Variants in CABLES1 observed in about 807,000 individuals in gnomAD.
CABLES1 encodes the protein CDK5 and ABL1 enzyme substrate 1.
Under a neutral mutation model 57.8 loss-of-function variants are expected in CABLES1, and 36 were observed. The observed-to-expected ratio is 0.62, with a 90% CI of 0.48 to 0.82. The LOEUF (loss-of-function observed/expected upper bound fraction) is 0.82. CABLES1 is among the 40% of genes least tolerant of loss of function. The probability of loss-of-function intolerance (pLI) is 0.00; values close to 1 mark genes in which losing one functional copy is unlikely to be tolerated. For missense variants in CABLES1, 767 were observed against 836.6 expected, an observed-to-expected ratio of 0.92 and a Z score of 1.03; for synonymous variants, 374 against 363.0, an observed-to-expected ratio of 1.03 and a Z score of -0.35.
chr18:23,192,519 A>G lies in CABLES1; in HGVS notation c.918-1929A>G, dbSNP rs189321465. On this transcript the variant is annotated intron_variant, in intron 2 of 9. Coordinates refer to ENST00000256925, the MANE Select transcript of CABLES1 (RefSeq NM_001100619.3). Reference sequence around the variant, plus strand: ...AGCTGGGAGGTGGGAGGAAGGAGCCAGAGTCTGCTGAGGTGGCAGGATCTG... The same window carrying G: ...AGCTGGGAGGTGGGAGGAAGGAGCCGGAGTCTGCTGAGGTGGCAGGATCTG... Among the ~76,000 whole-genome samples the G allele has an allele frequency of 1.8e-4, 28 of 152,316 alleles. No individual in the cohort carries two copies. In the East Asian group the frequency reaches 4.6e-3, roughly 25 times the overall value.
At chr18:23,142,026 T>C (rs2046861095) in intron 1 of CABLES1, among the ~76,000 whole-genome samples, 1 of 152,088 alleles carries the variant, frequency 6.6e-6, no homozygotes, top group African/African-American at 2.4e-5. Context: ...CTTAGTTTCC[T>C]TATGGAACTC....
chr18:23,198,747 G>C lies in CABLES1; in HGVS notation c.1010+4207G>C, dbSNP rs544084565. On this transcript the variant is annotated intron_variant, in intron 3 of 9. Transcript: ENST00000256925. Reference sequence around the variant, plus strand: ...AAATGCAGGCAGCTGCTAAGAATCTGGAAAAGGCAAGAAAACCAATTCTCC... The same window carrying C: ...AAATGCAGGCAGCTGCTAAGAATCTCGAAAAGGCAAGAAAACCAATTCTCC... Among the ~76,000 whole-genome samples, 46 of 152,318 alleles carry C rather than the reference G, an allele frequency of 3.0e-4. 2 individuals are homozygous for C. The highest frequency in any genetic ancestry group is 2.3e-3 in the South Asian group (11 of 4,822).
intron 4 of CABLES1, among the ~76,000 whole-genome samples, chr18:23,224,508 A>G (rs1288593654): frequency 6.7e-6 from 1 of 149,028 alleles, no homozygotes; most frequent in Non-Finnish European, 1.5e-5. Flanking sequence ...TGAAAGCTGT[A>G]GTAGATATTC....
chr18:23,190,466 T>A (rs1323837284), intron 2 of CABLES1: 3 of 152,208 alleles, frequency 2.0e-5, no homozygotes, highest in African/African-American at 7.2e-5. Flanking sequence ...CAGGCAGGGC[T>A]GTTGAGCCTC....
intron 7 of CABLES1, among the ~76,000 whole-genome samples, chr18:23,243,473 T>G (rs1338265861): frequency 4.0e-5 from 6 of 150,220 alleles, no homozygotes; most frequent in African/African-American, 9.8e-5. Context: ...TTGGTGTTTT[T>G]TTTTTTTTTT....
In CABLES1 at chr18:23,188,910, G is replaced by C. The variant is rs1387865707; in HGVS notation, c.917+1G>C. ...TTGAGGAGAACGCCCCTCTCCGGAGGTAATTTTCTGTTTCATTTATGTATA... is the reference window on the plus strand; with the variant it reads ...TTGAGGAGAACGCCCCTCTCCGGAGCTAATTTTCTGTTTCATTTATGTATA... On this transcript the variant is annotated splice_donor_variant, in intron 2 of 9. Transcript: ENST00000256925. LOFTEE classifies it high-confidence loss of function. 6.2e-7 allele frequency: 1 copy of C among 1,606,976 alleles called. No individual in the cohort carries two copies. Among genetic ancestry groups the C allele is most frequent in the South Asian group, 1.1e-5 (1 of 90,424 alleles).
At chr18:23,143,453 A>G (rs906832489) in intron 1 of CABLES1, among the ~76,000 whole-genome samples, 5 of 152,254 alleles carry the variant, frequency 3.3e-5, no homozygotes, top group African/African-American at 4.8e-5. Flanking sequence ...TGGGAATGAT[A>G]CTACCACCTC....
chr18:23,176,016 ATGT>A (rs1404578683), intron 1 of CABLES1, among the ~76,000 whole-genome samples: 7 of 152,258 alleles, frequency 4.6e-5, no homozygotes, highest in South Asian at 2.1e-4. Flanking sequence ...AAGATACCAA[ATGT>A]TGTAGGAATT....
chr18:23,212,683 G>A (rs1028994825), intron 3 of CABLES1, among the ~76,000 whole-genome samples: 1 of 152,160 alleles, frequency 6.6e-6, no homozygotes, highest in African/African-American at 2.4e-5. Flanking sequence ...TCACCCTCTA[G>A]TAAAGGAGGG....
chr18:23,222,481 C>G (rs957638913), intron 4 of CABLES1, among the ~76,000 whole-genome samples: 2 of 150,886 alleles, frequency 1.3e-5, no homozygotes, highest in South Asian at 4.2e-4. Flanking sequence ...CTGAAACTTT[C>G]GAGAATTGCT....
intron 2 of CABLES1, among the ~76,000 whole-genome samples, chr18:23,194,109 T>A (rs1229726892): frequency 1.3e-5 from 2 of 152,244 alleles, no homozygotes; most frequent in Admixed American, 1.3e-4. Flanking sequence ...CCTTCGTTGA[T>A]ACAGCAGGAT....
intron 1 of CABLES1, among the ~76,000 whole-genome samples, chr18:23,179,752 A>G (rs2047150932): frequency 1.3e-5 from 2 of 152,224 alleles, no homozygotes; most frequent in Non-Finnish European, 2.9e-5. Flanking sequence ...TCCGTGGACA[A>G]CAAAACAAAG....
intron 1 of CABLES1, among the ~76,000 whole-genome samples, chr18:23,187,593 G>T (rs1019737427): frequency 5.9e-5 from 9 of 152,168 alleles, no homozygotes; most frequent in African/African-American, 1.9e-4. Flanking sequence ...CACCATGTTG[G>T]CCAGGATGGT....
At position 23,234,621 on chromosome 18, in the gene CABLES1, G is replaced by A. The variant is rs760627292; in HGVS notation, c.1102G>A (p.Asp368Asn). Residue 368 changes from aspartate to asparagine, a missense_variant, in exon 5 of 10, where the codon GAC (aspartate) becomes AAC (asparagine). Coordinates refer to ENST00000256925, the MANE Select transcript of CABLES1 (RefSeq NM_001100619.3). ...TTGTCCTCCCAGGGACTTGAAGTTG[G>A]ACGGAGGAAGACAATCAACTGGTGC... ...DSTQVGDLKL[D>N]GGRQSTGAVS... The A allele has an allele frequency of 1.1e-5, 18 of 1,613,726 alleles. No homozygotes were observed. The highest frequency in any genetic ancestry group is 1.5e-5 in the Non-Finnish European group (18 of 1,179,746).
chr18:23,223,455 G>A (rs2047504490), intron 4 of CABLES1, among the ~76,000 whole-genome samples: 1 of 151,806 alleles, frequency 6.6e-6, no homozygotes, highest in South Asian at 2.1e-4. Flanking sequence ...GCAGGCGCCT[G>A]AAATCACAGC....
In CABLES1 at chr18:23,150,543, A is replaced by G. The variant is rs1039364567; in HGVS notation, c.845+13936A>G. On this transcript the variant is annotated intron_variant, in intron 1 of 9. Coordinates refer to ENST00000256925, the MANE Select transcript of CABLES1 (RefSeq NM_001100619.3). The stretch of plus-strand genomic sequence containing the variant: ...GTCGTAGTAGTTTTTCAAGTATCCA[A>G]GCAGATTTGTGGACAGCCTCTGCCC... 2.0e-5 allele frequency among the ~76,000 whole-genome samples: 3 copies of G among 152,124 alleles called. No homozygotes were observed. In the South Asian group the frequency reaches 6.2e-4, roughly 32 times the overall value.
At chr18:23,153,075 C>T (rs1353304141) in intron 1 of CABLES1, among the ~76,000 whole-genome samples, 4 of 151,898 alleles carry the variant, frequency 2.6e-5, no homozygotes, top group African/African-American at 4.8e-5. Context: ...GCTGGGATTA[C>T]AGGCGTGAGC....
At chr18:23,170,316 G>C (rs1245937529) in intron 1 of CABLES1, among the ~76,000 whole-genome samples, 1 of 152,146 alleles carries the variant, frequency 6.6e-6, no homozygotes, top group African/African-American at 2.4e-5. Flanking sequence ...TGTTTTTGAC[G>C]TGGCCTGTTG....
rs2048262092 is a variant in CABLES1 at position 23,260,237 on chromosome 18, A to G, written c.*2870A>G. The G allele has an allele frequency of 6.6e-6, 1 of 152,082 alleles. No homozygotes were observed. Among genetic ancestry groups the G allele is most frequent in the African/African-American group, 2.4e-5 (1 of 41,396 alleles). The allele number at this position is 152,082 out of a possible 1,614,324, so 9.4% of individuals were successfully genotyped here. A position where few individuals can be genotyped will look rare whatever the true frequency, so the allele number is the denominator to read the frequency against. On this transcript the variant is annotated 3_prime_UTR_variant, in exon 10 of 10. Transcript: ENST00000256925. ...CTATTTAAACAGGAAATTCATACCA[A>G]ATGCAAATGGGTTTTGTTTTCCTTG...
Sources: allele counts gnomAD v4.1 joint callset (sites outside exome capture counted in the v4.1 genomes callset), GRCh38; gene constraint gnomAD v4.1.1; transcripts MANE v1.5; gene names NCBI Gene and HGNC (gene_info 2026-07-23, HGNC 2026-07-21).